IARS1: variants seen among roughly 807,000 people sequenced by gnomAD.
The protein encoded by IARS1 is isoleucyl-tRNA synthetase 1, also known as isoleucine--tRNA ligase, cytoplasmic.
IARS1 carries 124 observed loss-of-function variants against 168.2 expected under a neutral mutation model. The ratio of observed to expected loss-of-function variants is 0.74; its 90% CI spans 0.64 to 0.86. IARS1 has a LOEUF of 0.86. Ranked by LOEUF, IARS1 falls within the 40% of genes least tolerant of loss-of-function variation. IARS1 has a pLI of 0.00. For missense variants in IARS1, 1,452 were observed against 1,515.8 expected, an observed-to-expected ratio of 0.96 and a Z score of 0.70; for synonymous variants, 532 against 529.4, an observed-to-expected ratio of 1.00 and a Z score of -0.07.
At chr9:92,227,697 G>A (rs544502788) in intron 31 of IARS1, among the ~76,000 whole-genome samples, 24 of 151,680 alleles carry the variant, frequency 1.6e-4, no homozygotes, top group Middle Eastern at 6.9e-3. Flanking sequence ...CATCCTGGAC[G>A]AGGCAGCAGG....
At chr9:92,273,402 T>G (rs1006331025) in intron 10 of IARS1, among the ~76,000 whole-genome samples, 4 of 152,176 alleles carry the variant, frequency 2.6e-5, no homozygotes, top group South Asian at 4.1e-4. Flanking sequence ...GAGATGCAGC[T>G]AGAATTACTT....
chr9:92,287,750 C>T (rs766346508), intron 4 of IARS1, 41 bp downstream of exon 4: 1 of 1,584,382 alleles, frequency 6.3e-7, no homozygotes. Flanking sequence ...CATTTAGTAA[C>T]TACATTTGCT....
rs1830935106 is a variant in IARS1, at chr9:92,257,799, C to T, written c.2017-999G>A. On this transcript the variant is annotated intron_variant, in intron 19 of 33. Coordinates refer to ENST00000443024, the MANE Select transcript of IARS1 (RefSeq NM_002161.6). The stretch of plus-strand genomic sequence containing the variant: ...CTCATTTTCATTCAACAGTTATTTA[C>T]TTACAAGCAATTTTACTTGTAAGGT... Among the ~76,000 whole-genome samples the T allele has an allele frequency of 5.9e-5, 9 of 152,204 alleles. No homozygotes were observed. The South Asian group carries it at 1.9e-3, about 32-fold the overall frequency.
At chr9:92,230,551 T>C (rs758834097) in intron 30 of IARS1, among the ~76,000 whole-genome samples, 11 of 152,220 alleles carry the variant, frequency 7.2e-5, no homozygotes, top group Non-Finnish European at 1.5e-4. Context: ...GGGTCATCTA[T>C]AGTTTGGTGC....
In IARS1 at chr9:92,250,573, G is replaced by T. The variant is rs1283619332; in HGVS notation, c.2429+140C>A. On this transcript the variant is annotated intron_variant, in intron 23 of 33. Coordinates refer to ENST00000443024, the MANE Select transcript of IARS1 (RefSeq NM_002161.6). The stretch of plus-strand genomic sequence containing the variant: ...GTACCAAAGTGGGCCCCATCCTGCA[G>T]CCTGAGGAGTTCATGTCAGCTGGGG... 3 of 940,210 alleles carry T rather than the reference G, an allele frequency of 3.2e-6. No individual in the cohort carries two copies. The South Asian group carries it at 5.3e-5, about 16-fold the overall frequency. The allele number at this position is 940,210 out of a possible 1,614,324, so 58.2% of individuals were successfully genotyped here. A position where few individuals can be genotyped will look rare whatever the true frequency, so the allele number is the denominator to read the frequency against.
chr9:92,211,182 G>C (rs2133290927), intron 33 of IARS1, among the ~76,000 whole-genome samples: 1 of 152,242 alleles, frequency 6.6e-6, no homozygotes, highest in African/African-American at 2.4e-5. Context: ...TGGGGACTTT[G>C]GGTCACATGG....
chr9:92,234,389 A>G (rs1197630790), intron 30 of IARS1, among the ~76,000 whole-genome samples: 1 of 152,232 alleles, frequency 6.6e-6, no homozygotes, highest in Admixed American at 6.5e-5. Context: ...ATATCAAATC[A>G]TATTAAGGCA....
intron 30 of IARS1, among the ~76,000 whole-genome samples, chr9:92,230,050 T>G (rs945260902): frequency 4.6e-5 from 7 of 152,164 alleles, no homozygotes; most frequent in Admixed American, 3.9e-4. Flanking sequence ...ACATGTTATG[T>G]GAATGCAATC....
In IARS1 at chr9:92,256,692, T is replaced by C. The variant is rs757524664; in HGVS notation, c.2125A>G (p.Thr709Ala). ...FMQSLIGFFE[T>A]EMAAYRLYTV... ...AAGAGAGACTCACCTGCCATTTCAG[T>C]CTCAAAGAAGCCAATGAGAGACTGC... is the stretch of plus-strand genomic sequence containing the variant. Residue 709 changes from threonine (T) to alanine (A), a missense_variant, in exon 20 of 34, where the codon ACT (threonine) becomes GCT (alanine). Transcript: ENST00000443024. 1 of 1,613,628 alleles carries C rather than the reference T, an allele frequency of 6.2e-7. No individual in the cohort carries two copies. The highest frequency in any genetic ancestry group is 1.1e-5 in the South Asian group (1 of 90,994).
intron 16 of IARS1, among the ~76,000 whole-genome samples, chr9:92,263,392 T>C (rs986974619): frequency 3.9e-5 from 6 of 152,136 alleles, no homozygotes; most frequent in African/African-American, 1.4e-4. Flanking sequence ...GGTTTTGAAT[T>C]TGGCACAAGA....
rs1251265895 is a variant in IARS1 at position 92,231,592 on chromosome 9, T to G, written c.3284-2466A>C. Among the ~76,000 whole-genome samples the G allele has an allele frequency of 2.4e-4, 22 of 92,388 alleles. No individual in the cohort carries two copies. In the East Asian group the frequency reaches 5.5e-3, roughly 23 times the overall value. The allele number at this position is 92,388 out of a possible 152,430, so 60.6% of individuals were successfully genotyped here. On this transcript the variant is annotated intron_variant, in intron 30 of 33. Coordinates refer to ENST00000443024, the MANE Select transcript of IARS1 (RefSeq NM_002161.6). The stretch of plus-strand genomic sequence containing the variant: ...CCATGCCCAGCTAATTTTGTATTTG[T>G]TTTTTTTTTTTTTTTAGTAGAGATG...
chr9:92,238,109 T>A (rs1827817870), intron 30 of IARS1, among the ~76,000 whole-genome samples: 1 of 152,184 alleles, frequency 6.6e-6, no homozygotes, highest in Non-Finnish European at 1.5e-5. Context: ...TTTCATTATG[T>A]TGGCCAGGCT....
chr9:92,287,506 A>C (rs1835635981), intron 4 of IARS1: 2 of 201,684 alleles, frequency 9.9e-6, no homozygotes, highest in East Asian at 1.2e-4. Flanking sequence ...AATTGAAAAA[A>C]GTATTTGAGA....
chr9:92,265,233 A>G, intron 15 of IARS1, 110 bp from the exon 16 acceptor site: 2 of 989,864 alleles, frequency 2.0e-6, no homozygotes, highest in Admixed American at 2.7e-5. Flanking sequence ...ACACATTTGC[A>G]AACAGAAATA....
rs199645059 is a variant in IARS1, at chr9:92,240,961, A to G, written c.3178T>C (p.Leu1060=). The part of the protein sequence containing the change: ...DKVLIQEKTQ[L]KGSELEITLT... ...GTAATTTCCAGTTCAGATCCCTTCA[A>G]CTGAGCACATGAGAACGTATGACTG... is the stretch of plus-strand genomic sequence containing the variant. The change falls in exon 30 of 34, where the codon TTG becomes CTG. Residue 1060 remains leucine (L), a splice_region_variant and synonymous_variant. Coordinates refer to ENST00000443024, the MANE Select transcript of IARS1 (RefSeq NM_002161.6). 3.8e-5 allele frequency: 60 copies of G among 1,590,508 alleles called. No homozygotes were observed. Among genetic ancestry groups the G allele is most frequent in the Non-Finnish European group, 5.1e-5 (59 of 1,158,984 alleles).
intron 20 of IARS1, among the ~76,000 whole-genome samples, chr9:92,255,844 T>C (rs1005821795): frequency 6.6e-6 from 1 of 152,124 alleles, no homozygotes; most frequent in Non-Finnish European, 1.5e-5. Flanking sequence ...TCAACAATAA[T>C]TTCTTGTACA....
chr9:92,275,059 T>C (rs1833600103), intron 9 of IARS1, among the ~76,000 whole-genome samples: 1 of 152,262 alleles, frequency 6.6e-6, no homozygotes, highest in South Asian at 2.1e-4. Context: ...TCATTTTCTT[T>C]GCAACAGCAA....
chr9:92,217,651 C>T (rs570748210), intron 33 of IARS1, among the ~76,000 whole-genome samples: 152 of 151,700 alleles, frequency 1.0e-3, no homozygotes, highest in South Asian at 1.5e-3. Context: ...AACACCTCTA[C>T]GCAAATAAAC....
At chr9:92,286,142 T>C (rs1835419220) in intron 5 of IARS1, 1 of 304,864 alleles carries the variant, frequency 3.3e-6, no homozygotes, top group South Asian at 5.0e-5. Context: ...TCAAGGTGGA[T>C]GGATCACCTA....
Sources: allele counts gnomAD v4.1 joint callset (sites outside exome capture counted in the v4.1 genomes callset), GRCh38; gene constraint gnomAD v4.1.1; transcripts MANE v1.5; gene names NCBI Gene and HGNC (gene_info 2026-07-23, HGNC 2026-07-21).